LYPLA1: variants seen among roughly 807,000 people sequenced by gnomAD.
LYPLA1 encodes lysophospholipase 1.
LYPLA1 carries 17 observed loss-of-function variants against 34.0 expected under a neutral mutation model. The ratio of observed to expected loss-of-function variants is 0.50; its 90% CI spans 0.34 to 0.75. The LOEUF (loss-of-function observed/expected upper bound fraction) is 0.75. Among genes scored for constraint, LYPLA1 ranks in the 30% least tolerant of loss-of-function variants. The probability of loss-of-function intolerance (pLI) is 0.01; values close to 1 mark genes in which losing one functional copy is unlikely to be tolerated. For missense variants in LYPLA1, 203 were observed against 288.8 expected, an observed-to-expected ratio of 0.70 and a Z score of 2.15; for synonymous variants, 98 against 100.8, an observed-to-expected ratio of 0.97 and a Z score of 0.17.
chr8:54,096,714 G>A (rs1160320463), intron 2 of LYPLA1, among the ~76,000 whole-genome samples: 1 of 150,798 alleles, frequency 6.6e-6, no homozygotes, highest in Non-Finnish European at 1.5e-5. Context: ...CTACACTCCA[G>A]CCTGGACGAC....
At chr8:54,063,216 A>G (rs1335478789) in intron 4 of LYPLA1, 112 bp downstream of exon 4, 1 of 660,550 alleles carries the variant, frequency 1.5e-6, no homozygotes, top group Non-Finnish European at 2.5e-6. Flanking sequence ...TTAACTATGC[A>G]ACTTTGCAAT....
intron 2 of LYPLA1, among the ~76,000 whole-genome samples, chr8:54,077,062 C>T (rs1295546070): frequency 2.0e-5 from 3 of 152,042 alleles, no homozygotes; most frequent in Non-Finnish European, 2.9e-5. Flanking sequence ...CACTGCTATT[C>T]ACAACAGCAA....
At chr8:54,089,134 G>A (rs1288767507) in intron 2 of LYPLA1, among the ~76,000 whole-genome samples, 1 of 152,162 alleles carries the variant, frequency 6.6e-6, no homozygotes, top group Non-Finnish European at 1.5e-5. Flanking sequence ...TAAGACAGTG[G>A]TAATAGTTGA....
chr8:54,052,795 G>C (rs752764418), intron 6 of LYPLA1, 39 bp from the exon 7 acceptor site: 1 of 1,267,818 alleles, frequency 7.9e-7, no homozygotes, highest in East Asian at 2.3e-5. Flanking sequence ...GAACACACAT[G>C]CTTGCCCACA....
chr8:54,083,482 C>G (rs1229244319), intron 2 of LYPLA1, among the ~76,000 whole-genome samples: 1 of 152,116 alleles, frequency 6.6e-6, no homozygotes, highest in Non-Finnish European at 1.5e-5. Context: ...TGTAAAACAT[C>G]TGTATATCAA....
intron 2 of LYPLA1, among the ~76,000 whole-genome samples, chr8:54,076,310 T>C (rs1013921273): frequency 6.6e-6 from 1 of 152,216 alleles, no homozygotes. Context: ...TTAAAGGAGC[T>C]GCAGACAAAT....
chr8:54,063,887 A>AAAT (rs1806848475), intron 3 of LYPLA1, among the ~76,000 whole-genome samples: 1 of 152,214 alleles, frequency 6.6e-6, no homozygotes, highest in Admixed American at 6.5e-5. Context: ...AGCCAATTCA[A>AAAT]GTCTGTGATT....
chr8:54,090,883 G>A (rs113890068), intron 2 of LYPLA1, among the ~76,000 whole-genome samples: 56 of 152,224 alleles, frequency 3.7e-4, no homozygotes, highest in Admixed American at 7.9e-4. Context: ...AGTTTTATAA[G>A]GGGCCTCCCC....
At chr8:54,065,992 A>C (rs1807038670) in intron 2 of LYPLA1, among the ~76,000 whole-genome samples, 179 bp from the exon 3 acceptor site, 2 of 152,170 alleles carry the variant, frequency 1.3e-5, no homozygotes, top group African/African-American at 4.8e-5. Flanking sequence ...GCTGGAGTAC[A>C]GTGGCGCGAT....
At chr8:54,081,476 A>C (rs1035853698) in intron 2 of LYPLA1, among the ~76,000 whole-genome samples, 2 of 151,868 alleles carry the variant, frequency 1.3e-5, no homozygotes, top group Admixed American at 6.6e-5. Flanking sequence ...TCTGAAACAC[A>C]GTCTTGCTCG....
chr8:54,076,580 T>C (rs1254030107), intron 2 of LYPLA1, among the ~76,000 whole-genome samples: 1 of 152,124 alleles, frequency 6.6e-6, no homozygotes, highest in Non-Finnish European at 1.5e-5. Context: ...ATAAACAAAA[T>C]CTCTGCAGCA....
intron 2 of LYPLA1, among the ~76,000 whole-genome samples, chr8:54,073,845 T>G (rs994217369): frequency 1.3e-5 from 2 of 152,346 alleles, no homozygotes; most frequent in Non-Finnish European, 1.5e-5. Context: ...TACATGTAAT[T>G]CTACCAAAGT....
chr8:54,075,440 T>C (rs191493062), intron 2 of LYPLA1, among the ~76,000 whole-genome samples: 2 of 152,322 alleles, frequency 1.3e-5, no homozygotes, highest in Admixed American at 6.5e-5. Context: ...GGCCCCCTGA[T>C]TGCAGCCATG....
chr8:54,091,444 G>T lies in LYPLA1; in HGVS notation c.101+9464C>A, dbSNP rs189840535. On this transcript the variant is annotated intron_variant, in intron 2 of 8. Coordinates refer to ENST00000316963, the MANE Select transcript of LYPLA1 (RefSeq NM_006330.4). ...AGAGGTTGCAGTGAGCCGAGATCAC[G>T]CCACTGCACTCTAGCCTGGGCAACA... Among the ~76,000 whole-genome samples, 8 of 151,118 alleles carry T rather than the reference G, an allele frequency of 5.3e-5. No homozygotes were observed. In the East Asian group the frequency reaches 1.6e-3, roughly 30 times the overall value.
chr8:54,090,317 A>C (rs1809133057), intron 2 of LYPLA1, among the ~76,000 whole-genome samples: 1 of 152,178 alleles, frequency 6.6e-6, no homozygotes, highest in Non-Finnish European at 1.5e-5. Flanking sequence ...ATTGTTTGTA[A>C]CCAGCTTTTG....
At chr8:54,044,971 C>T (rs1413604668), downstream of LYPLA1, 1 of 152,110 alleles carries the variant, frequency 6.6e-6, no homozygotes. Flanking sequence ...ATATGAAATA[C>T]ACATCATTTG....
chr8:54,083,465 A>C (rs1391364043), intron 2 of LYPLA1, among the ~76,000 whole-genome samples: 1 of 152,240 alleles, frequency 6.6e-6, no homozygotes, highest in South Asian at 2.1e-4. Flanking sequence ...TGATGAATTT[A>C]TCATGATGTA....
intron 2 of LYPLA1, among the ~76,000 whole-genome samples, chr8:54,085,922 G>C (rs914503533): frequency 6.6e-6 from 1 of 152,114 alleles, no homozygotes; most frequent in African/African-American, 2.4e-5. Context: ...CCTCCACCCT[G>C]TCTGGGAGGT....
At chr8:54,084,963 TCCTCCTCTCCCTCTCCCTCTC>T (rs1184744193) in intron 2 of LYPLA1, among the ~76,000 whole-genome samples, 1 of 151,034 alleles carries the variant, frequency 6.6e-6, no homozygotes, top group Non-Finnish European at 1.5e-5. Flanking sequence ...GTTTAAAGAA[TCCTCCTCTCCCTCTCCCTCTC>T]CCTCCTCTCC....
Sources: allele counts gnomAD v4.1 joint callset (sites outside exome capture counted in the v4.1 genomes callset), GRCh38; gene constraint gnomAD v4.1.1; transcripts MANE v1.5; gene names NCBI Gene and HGNC (gene_info 2026-07-23, HGNC 2026-07-21).